Variants in DAAM2 observed in about 807,000 individuals in gnomAD.
DAAM2 encodes the protein dishevelled associated activator of morphogenesis 2.
Under a neutral mutation model 120.7 loss-of-function variants are expected in DAAM2, and 39 were observed. The observed-to-expected ratio is 0.32, with a 90% CI of 0.25 to 0.42. The LOEUF is 0.42. Ranked by LOEUF, DAAM2 falls within the 10% of genes least tolerant of loss-of-function variation. DAAM2 has a pLI of 1.00. For synonymous variants in DAAM2, 488 were observed against 524.9 expected (o/e 0.93, Z 0.96); for missense variants, 1,283 against 1,401.7 (o/e 0.92, Z 1.35).
In DAAM2 at chr6:39,824,835, T is replaced by G. The variant is rs145736669; in HGVS notation, c.-56-31412T>G. 2.9e-3 allele frequency among the ~76,000 whole-genome samples: 448 copies of G among 152,240 alleles called. 3 individuals are homozygous for G. The highest frequency in any genetic ancestry group is 4.4e-3 in the Non-Finnish European group (302 of 68,016). Reference sequence around the variant, plus strand: ...TCTGTTCCTCTTTCCCCATCCAGGGTGCATTTATCATGGGTGAGGGCCATG... The same window carrying G: ...TCTGTTCCTCTTTCCCCATCCAGGGGGCATTTATCATGGGTGAGGGCCATG... On this transcript the variant is annotated intron_variant, in intron 1 of 24. Transcript: ENST00000274867.
intron 1 of DAAM2, among the ~76,000 whole-genome samples, chr6:39,828,620 T>C (rs1762766992): frequency 6.8e-6 from 1 of 147,572 alleles, no homozygotes; most frequent in South Asian, 2.2e-4. Flanking sequence ...TGGAGTGCAA[T>C]GGTGCGATCT....
intron 22 of DAAM2, 59 bp from the exon 23 acceptor site, chr6:39,900,018 C>T: frequency 1.3e-6 from 2 of 1,552,578 alleles, no homozygotes; most frequent in South Asian, 2.4e-5. Flanking sequence ...TGTGGTGACC[C>T]CTGCACCCGA....
rs77149857 is a variant in DAAM2, at chr6:39,901,099, C to A, written c.2812-203C>A. Among the ~76,000 whole-genome samples, 365 of 152,232 alleles carry A rather than the reference C, an allele frequency of 2.4e-3. 13 individuals carry two copies. In the East Asian group the frequency reaches 0.065, roughly 27 times the overall value. On this transcript the variant is annotated intron_variant, in intron 23 of 24. Transcript: ENST00000274867. This position sits in a 1 kb window ranked among gnomAD's most constrained non-coding sequence, Gnocchi z 4.5. ...TCTAAGGTGGACTGAGTGAGCCCAA[C>A]TCTTTACCTGCCTCTCCTTAGCCTT...
intron 1 of DAAM2, among the ~76,000 whole-genome samples, chr6:39,835,870 A>G (rs1214649813): frequency 6.6e-6 from 1 of 152,174 alleles, no homozygotes; most frequent in Non-Finnish European, 1.5e-5. Flanking sequence ...GAGGGAAGTC[A>G]TACAAAGACA....
At chr6:39,899,063 C>T (rs1766309440) in intron 22 of DAAM2, 126 bp downstream of exon 22, 1 of 720,048 alleles carries the variant, frequency 1.4e-6, no homozygotes, top group South Asian at 1.7e-5. Flanking sequence ...AGGGTCAGCC[C>T]TCCCAAAGGA....
intron 1 of DAAM2, among the ~76,000 whole-genome samples, chr6:39,833,426 T>A (rs1762989984): frequency 1.3e-5 from 2 of 152,070 alleles, no homozygotes; most frequent in South Asian, 4.2e-4. Context: ...TGCCTCAGCC[T>A]CCCAAGTGGC....
chr6:39,795,979 C>T (rs113953958), intron 1 of DAAM2, among the ~76,000 whole-genome samples: 1 of 152,086 alleles, frequency 6.6e-6, no homozygotes. Context: ...TCTTGAAGGA[C>T]AAGCCTGAGT....
At position 39,902,163 on chromosome 6, in the gene DAAM2, G is replaced by C. The variant is rs939679473; in HGVS notation, c.*126G>C. On this transcript the variant is annotated 3_prime_UTR_variant, in exon 25 of 25. Transcript: ENST00000274867. The stretch of plus-strand genomic sequence containing the variant: ...AGAGCCTTGGGCTGGGTCCTGGGAT[G>C]GGGGGCTGTGTGTGGCTGGACCAGG... The C allele has an allele frequency of 6.4e-6, 5 of 780,640 alleles. No individual in the cohort carries two copies. The highest frequency in any genetic ancestry group is 2.1e-5 in the South Asian group (1 of 48,604). 48.4% of individuals were successfully genotyped at this position (780,640 alleles called of 1,614,324 possible).
Position 39,844,739 on chromosome 6 carries a change from G to A in DAAM2, c.-56-11508G>A, listed in dbSNP as rs564573711. ...GAGCGGGCTGATCAGAAATTGGCAC[G>A]GGGGCTGATTTCCAGCGATCTTACT... On this transcript the variant is annotated intron_variant, in intron 1 of 24. Coordinates refer to ENST00000274867, the MANE Select transcript of DAAM2 (RefSeq NM_001201427.2). Among the ~76,000 whole-genome samples, 3 of 152,118 alleles carry A rather than the reference G, an allele frequency of 2.0e-5. 1 individual carries two copies. Among genetic ancestry groups the A allele is most frequent in the South Asian group, 2.1e-4 (1 of 4,808 alleles).
intron 10 of DAAM2, 65 bp downstream of exon 10, chr6:39,873,420 C>T: frequency 8.4e-7 from 1 of 1,187,992 alleles, no homozygotes; most frequent in Non-Finnish European, 1.2e-6. Flanking sequence ...CAGGTTTAGA[C>T]AAGACTTTGG....
At chr6:39,891,937 T>C (rs1006173756) in intron 19 of DAAM2, among the ~76,000 whole-genome samples, 1 of 152,246 alleles carries the variant, frequency 6.6e-6, no homozygotes, top group Non-Finnish European at 1.5e-5. Context: ...GACATGTTCC[T>C]TATGCCTCAG....
At chr6:39,794,265 T>C (rs1045466954) in intron 1 of DAAM2, among the ~76,000 whole-genome samples, 7 of 152,230 alleles carry the variant, frequency 4.6e-5, no homozygotes, top group Non-Finnish European at 8.8e-5. Context: ...GTGATGGCCA[T>C]GGCCTTAGAC....
At chr6:39,875,180 G>A (rs1183161745) in intron 10 of DAAM2, 150 bp from the exon 11 acceptor site, 2 of 763,386 alleles carry the variant, frequency 2.6e-6, no homozygotes. Context: ...GCCATTATCA[G>A]CAATGGCATT....
At chr6:39,875,896 C>T (rs1157968123) in intron 11 of DAAM2, among the ~76,000 whole-genome samples, 1 of 152,202 alleles carries the variant, frequency 6.6e-6, no homozygotes, top group Admixed American at 6.5e-5. Flanking sequence ...ACTATGGGTG[C>T]ATGGGCTGAC....
chr6:39,888,733 G>A lies in DAAM2; in HGVS notation c.2115G>A (p.Gln705=), dbSNP rs1055518059. 6.2e-7 allele frequency: 1 copy of A among 1,613,144 alleles called. No individual in the cohort carries two copies. The highest frequency in any genetic ancestry group is 1.3e-5 in the African/African-American group (1 of 75,012). The change falls in exon 17 of 25, where the codon CAG becomes CAA. Residue 705 remains glutamine, a synonymous_variant. Coordinates refer to ENST00000274867, the MANE Select transcript of DAAM2 (RefSeq NM_001201427.2). ...IRQAILKMDE[Q]EDLAKDMLEQ... ...AGGCCATCTTGAAGATGGATGAGCAGGAGGACCTTGCTAAGGACATGCTGG... is the reference window on the plus strand; with the variant it reads ...AGGCCATCTTGAAGATGGATGAGCAAGAGGACCTTGCTAAGGACATGCTGG...
intron 1 of DAAM2, among the ~76,000 whole-genome samples, chr6:39,845,575 C>T (rs546433958): frequency 6.6e-6 from 1 of 151,930 alleles, no homozygotes; most frequent in African/African-American, 2.4e-5. Flanking sequence ...CACATAAATA[C>T]ATACCACACA....
intron 1 of DAAM2, among the ~76,000 whole-genome samples, chr6:39,798,225 A>G (rs1314304662): frequency 1.3e-5 from 2 of 152,244 alleles, no homozygotes; most frequent in Non-Finnish European, 2.9e-5. Context: ...TTCCTGGAAC[A>G]CTTACCTATT....
chr6:39,816,529 T>G (rs941064897), intron 1 of DAAM2, among the ~76,000 whole-genome samples: 1 of 152,182 alleles, frequency 6.6e-6, no homozygotes, highest in Non-Finnish European at 1.5e-5. Flanking sequence ...CATTGCCAAA[T>G]GTCTCTGGGG....
chr6:39,898,737 A>G (rs891094818), intron 21 of DAAM2, 140 bp from the exon 22 acceptor site: 36 of 721,084 alleles, frequency 5.0e-5, no homozygotes, highest in African/African-American at 2.5e-4. Flanking sequence ...GCCAACATCA[A>G]TGGCCACACC....
Sources: gnomAD v4.1 joint callset for allele counts (sites outside exome capture counted in the v4.1 genomes callset) on GRCh38, gnomAD v4.1.1 for gene constraint, Gnocchi (gnomAD v3.1) non-coding constraint, MANE v1.5 for transcripts, NCBI Gene and HGNC (gene_info 2026-07-23, HGNC 2026-07-21) for gene names.